PLPPR1: variants seen among roughly 807,000 people sequenced by gnomAD.
PLPPR1 encodes phospholipid phosphatase-related protein type 1.
PLPPR1 carries 10 observed loss-of-function variants against 33.1 expected under a neutral mutation model. That is an observed-to-expected ratio of 0.30 (90% CI 0.19 to 0.51). The LOEUF (loss-of-function observed/expected upper bound fraction) is 0.51, where lower values mean the gene tolerates loss of function less well. Ranked by LOEUF, PLPPR1 falls within the 20% of genes least tolerant of loss-of-function variation. PLPPR1 has a pLI of 0.97. For missense variants in PLPPR1, 304 were observed against 408.1 expected, an observed-to-expected ratio of 0.74 and a Z score of 2.20; for synonymous variants, 151 against 151.0, an observed-to-expected ratio of 1.00 and a Z score of 0.00.
intron 2 of PLPPR1, among the ~76,000 whole-genome samples, chr9:101,217,065 G>T (rs10989438): frequency 6.6e-6 from 1 of 151,964 alleles, no homozygotes; most frequent in Non-Finnish European, 1.5e-5. Flanking sequence ...GTAGATTAGC[G>T]TATAACCCAT....
chr9:101,261,778 T>C (rs1397467877), intron 2 of PLPPR1, among the ~76,000 whole-genome samples: 2 of 152,112 alleles, frequency 1.3e-5, no homozygotes, highest in Non-Finnish European at 2.9e-5. Context: ...TTCTGACTTA[T>C]AAGTGAGACC....
intron 1 of PLPPR1, among the ~76,000 whole-genome samples, chr9:101,149,127 C>T (rs567646438): frequency 2.6e-5 from 4 of 152,264 alleles, no homozygotes; most frequent in Admixed American, 2.6e-4. Flanking sequence ...ACAGTTGACA[C>T]GTTCTTCCTG....
In PLPPR1 at chr9:101,309,480, T is replaced by A; in HGVS notation, c.636+19T>A. 1 of 1,611,126 alleles carries A rather than the reference T, an allele frequency of 6.2e-7. No individual in the cohort carries two copies. ...TGCCACGGTGAGTGTGCAAGTCTTG[T>A]CTCTCCTAAGTCCAGTTTTTGATAG... is the stretch of plus-strand genomic sequence containing the variant. On this transcript the variant is annotated intron_variant, in intron 5 of 7. Coordinates refer to ENST00000374874, the MANE Select transcript of PLPPR1 (RefSeq NM_207299.2).
intron 1 of PLPPR1, among the ~76,000 whole-genome samples, chr9:101,156,460 A>G (rs528336720): frequency 7.4e-4 from 110 of 149,070 alleles, no homozygotes; most frequent in African/African-American, 2.6e-3. Flanking sequence ...CTGAGGCAAG[A>G]TAATTGCTTG....
chr9:101,264,793 C>T (rs747703796), intron 2 of PLPPR1, among the ~76,000 whole-genome samples: 3 of 152,102 alleles, frequency 2.0e-5, no homozygotes, highest in Non-Finnish European at 4.4e-5. Flanking sequence ...TGCTCAGGGC[C>T]ATCCTAGTTT....
intron 1 of PLPPR1, among the ~76,000 whole-genome samples, chr9:101,128,625 T>A (rs1450575579): frequency 6.6e-6 from 1 of 152,178 alleles, no homozygotes; most frequent in Admixed American, 6.5e-5. Flanking sequence ...TGTGCCCAAG[T>A]TAATCTGAGT....
At chr9:101,199,811 C>A (rs1441472263) in intron 2 of PLPPR1, among the ~76,000 whole-genome samples, 2 of 152,188 alleles carry the variant, frequency 1.3e-5, no homozygotes, top group Non-Finnish European at 2.9e-5. Context: ...AGCACACAGA[C>A]CACCTGCTTT....
chr9:101,209,698 T>A (rs1038427388), intron 2 of PLPPR1, among the ~76,000 whole-genome samples: 4 of 152,252 alleles, frequency 2.6e-5, no homozygotes, highest in Non-Finnish European at 4.4e-5. Context: ...CTATTTGATT[T>A]CCACATCAAA....
chr9:101,197,427 T>C lies in PLPPR1; in HGVS notation c.63+11870T>C, dbSNP rs140544596. 4.2e-3 allele frequency among the ~76,000 whole-genome samples: 640 copies of C among 152,292 alleles called. 3 individuals are homozygous for C. Among genetic ancestry groups the C allele is most frequent in the South Asian group, 0.014 (66 of 4,818 alleles). On this transcript the variant is annotated intron_variant, in intron 2 of 7. Transcript: ENST00000374874. ...GACTTCCATGTCTTTCCTACTATCA[T>C]TTTTTCTTCTACTTTCTCTATGCAG...
At chr9:101,107,891 G>A (rs1395995567) in intron 1 of PLPPR1, among the ~76,000 whole-genome samples, 1 of 151,360 alleles carries the variant, frequency 6.6e-6, no homozygotes, top group Non-Finnish European at 1.5e-5. Flanking sequence ...CACAATATTC[G>A]GGTGGGAGTG....
chr9:101,094,208 T>C (rs1471648979), intron 1 of PLPPR1, among the ~76,000 whole-genome samples: 2 of 152,336 alleles, frequency 1.3e-5, no homozygotes, highest in East Asian at 3.9e-4. Context: ...TGGGCTTATG[T>C]CTAATCTCCT....
At chr9:101,200,738 A>G (rs1413165623) in intron 2 of PLPPR1, among the ~76,000 whole-genome samples, 1 of 152,064 alleles carries the variant, frequency 6.6e-6, no homozygotes, top group Non-Finnish European at 1.5e-5. Flanking sequence ...TTGATATTAA[A>G]CCCTGCAACT....
Position 101,312,868 on chromosome 9 carries a change from T to C in PLPPR1, c.707T>C (p.Leu236Pro). The change falls in exon 6 of 8, where the codon CTC becomes CCC. Residue 236 changes from leucine to proline, a missense_variant. Leu to Pro is a moderately conservative substitution (Grantham distance 98). Coordinates refer to ENST00000374874, the MANE Select transcript of PLPPR1 (RefSeq NM_207299.2). ...AAGCCGGTGCTGTGCCTCGGAACTCTCTGCACAGCCTTCCTGACAGGCCTC... is the reference window on the plus strand; with the variant it reads ...AAGCCGGTGCTGTGCCTCGGAACTCCCTGCACAGCCTTCCTGACAGGCCTC... The part of the protein sequence containing the change: ...LAKPVLCLGT[L>P]CTAFLTGLNR... 1 of 1,614,158 alleles carries C rather than the reference T, an allele frequency of 6.2e-7. No homozygotes were observed. The highest frequency in any genetic ancestry group is 8.5e-7 in the Non-Finnish European group (1 of 1,179,998).
chr9:101,156,366 A>G (rs1361085497), intron 1 of PLPPR1, among the ~76,000 whole-genome samples: 1 of 152,000 alleles, frequency 6.6e-6, no homozygotes, highest in Non-Finnish European at 1.5e-5. Context: ...CCTGGGCAAC[A>G]TGGCAAACCC....
At chr9:101,303,789 A>T (rs191738084) in intron 4 of PLPPR1, among the ~76,000 whole-genome samples, 35 of 152,234 alleles carry the variant, frequency 2.3e-4, no homozygotes, top group African/African-American at 7.7e-4. Flanking sequence ...TTAAAGTTCC[A>T]TGTGTTAGTT....
chr9:101,307,941 C>T (rs969712377), intron 4 of PLPPR1, among the ~76,000 whole-genome samples: 3 of 152,178 alleles, frequency 2.0e-5, no homozygotes, highest in African/African-American at 7.2e-5. Context: ...ATGTAATATA[C>T]AGGCCTTGAA....
intron 1 of PLPPR1, among the ~76,000 whole-genome samples, chr9:101,172,349 A>AG (rs576134679): frequency 2.2e-3 from 231 of 106,512 alleles, no homozygotes; most frequent in Non-Finnish European, 4.0e-3. Flanking sequence ...GACACACTAA[A>AG]GGGGAAAAAA....
chr9:101,146,315 A>G (rs760966709), intron 1 of PLPPR1, among the ~76,000 whole-genome samples: 10 of 152,224 alleles, frequency 6.6e-5, no homozygotes, highest in Non-Finnish European at 1.5e-4. Context: ...AAGAGCCTTC[A>G]GAACAGTCTT....
At chr9:101,169,613 G>A (rs1309488498) in intron 1 of PLPPR1, among the ~76,000 whole-genome samples, 2 of 151,954 alleles carry the variant, frequency 1.3e-5, no homozygotes, top group Admixed American at 6.6e-5. Context: ...GTCTTAAAAA[G>A]ACTAGTCTCT....
Sources: gnomAD v4.1 joint callset for allele counts (sites outside exome capture counted in the v4.1 genomes callset) on GRCh38, gnomAD v4.1.1 for gene constraint, MANE v1.5 for transcripts, NCBI Gene and HGNC (gene_info 2026-07-23, HGNC 2026-07-21) for gene names.